SHC3: variants seen among roughly 807,000 people sequenced by gnomAD.
SHC3 encodes the protein SHC-transforming protein 3.
SHC3 carries 15 observed loss-of-function variants against 60.4 expected under a neutral mutation model. The observed-to-expected ratio is 0.25, with a 90% confidence interval of 0.17 to 0.38. SHC3 has a LOEUF of 0.38. Among genes scored for constraint, SHC3 ranks in the 10% least tolerant of loss-of-function variants. The pLI is 1.00. For synonymous variants in SHC3, 294 were observed against 325.9 expected (o/e 0.90, Z 1.05); for missense variants, 677 against 786.1 (o/e 0.86, Z 1.66).
At chr9:89,142,846 G>A (rs931912243) in intron 1 of SHC3, among the ~76,000 whole-genome samples, 1 of 151,924 alleles carries the variant, frequency 6.6e-6, no homozygotes, top group African/African-American at 2.4e-5. Flanking sequence ...CCTTCGGGTC[G>A]AGGGTCTCCT....
intron 7 of SHC3, 120 bp downstream of exon 7, chr9:89,051,917 G>A (rs1227333571): frequency 1.1e-5 from 16 of 1,425,504 alleles, no homozygotes; most frequent in Non-Finnish European, 1.4e-5. Flanking sequence ...GTGTCTCTGA[G>A]CCCAGGAAGC....
intron 6 of SHC3, among the ~76,000 whole-genome samples, chr9:89,061,574 T>C (rs1246899476): frequency 6.6e-6 from 1 of 152,240 alleles, no homozygotes; most frequent in African/African-American, 2.4e-5. Context: ...GCTGGATATG[T>C]AGGCTTCTCT....
chr9:89,135,583 G>A (rs948866003), intron 1 of SHC3, among the ~76,000 whole-genome samples: 1 of 152,078 alleles, frequency 6.6e-6, no homozygotes, highest in African/African-American at 2.4e-5. Flanking sequence ...GATTTGTCTT[G>A]AGTAAAAGTG....
intron 4 of SHC3, among the ~76,000 whole-genome samples, chr9:89,072,022 T>C (rs1825282413): frequency 6.6e-6 from 1 of 152,242 alleles, no homozygotes; most frequent in African/African-American, 2.4e-5. Flanking sequence ...TGCTAAATGT[T>C]ACTTGGTTTG....
chr9:89,081,463 C>T (rs1365023460), intron 2 of SHC3, among the ~76,000 whole-genome samples: 3 of 152,086 alleles, frequency 2.0e-5, no homozygotes, highest in African/African-American at 7.2e-5. Context: ...CCCTCCCACC[C>T]CCACACCCTG....
intron 2 of SHC3, among the ~76,000 whole-genome samples, chr9:89,111,107 G>A (rs1443546673): frequency 1.3e-5 from 2 of 152,134 alleles, no homozygotes; most frequent in Admixed American, 6.6e-5. Context: ...GGAGAGTCAC[G>A]TTGTCCAGTG....
chr9:89,102,463 G>A (rs1349024121), intron 2 of SHC3, among the ~76,000 whole-genome samples: 2 of 152,080 alleles, frequency 1.3e-5, no homozygotes, highest in Non-Finnish European at 2.9e-5. Flanking sequence ...TATATTGCTT[G>A]TATTTTCCTT....
Position 89,174,558 on chromosome 9 carries a change from C to A in SHC3, c.474+3429G>T, listed in dbSNP as rs117853594. 1.1e-4 allele frequency among the ~76,000 whole-genome samples: 17 copies of A among 152,354 alleles called. No individual in the cohort carries two copies. In the East Asian group the frequency reaches 2.5e-3, roughly 22 times the overall value. On this transcript the variant is annotated intron_variant, in intron 1 of 11. Transcript: ENST00000375835. The stretch of plus-strand genomic sequence containing the variant: ...TGGAATAGCTCTGAGCAGTGGGCAC[C>A]TAAAACCATTGCTTTTACATTGGGC...
intron 11 of SHC3, among the ~76,000 whole-genome samples, chr9:89,030,038 C>T (rs972446396): frequency 6.6e-6 from 1 of 151,966 alleles, no homozygotes; most frequent in South Asian, 2.1e-4. Context: ...GAATGTGTCT[C>T]ATATATAGCA....
In SHC3 at chr9:89,108,499, C is replaced by T. The variant is rs140231704; in HGVS notation, c.545+4057G>A. Among the ~76,000 whole-genome samples the T allele has an allele frequency of 2.3e-3, 354 of 152,010 alleles. 3 individuals are homozygous for T. The highest frequency in any genetic ancestry group is 8.2e-3 in the African/African-American group (339 of 41,446). ...TTGCACCATTGCATTCCAGGCTAGA[C>T]GACAGGAGTGAAACACTGTCTCAAA... On this transcript the variant is annotated intron_variant, in intron 2 of 11. Transcript: ENST00000375835.
intron 11 of SHC3, among the ~76,000 whole-genome samples, chr9:89,032,705 A>G (rs914318988): frequency 7.9e-5 from 12 of 152,182 alleles, no homozygotes; most frequent in Non-Finnish European, 1.5e-5. Flanking sequence ...CAGTGATCTC[A>G]GTGGACGGTG....
intron 11 of SHC3, among the ~76,000 whole-genome samples, chr9:89,032,901 C>T (rs1168873273): frequency 1.3e-5 from 2 of 152,146 alleles, no homozygotes; most frequent in Admixed American, 1.3e-4. Flanking sequence ...TTGGTGTCCC[C>T]ACAGCAAGAA....
At chr9:89,172,054 G>A (rs1327131011) in intron 1 of SHC3, among the ~76,000 whole-genome samples, 9 of 152,234 alleles carry the variant, frequency 5.9e-5, no homozygotes, top group Non-Finnish European at 1.2e-4. Flanking sequence ...GGTACAGGAG[G>A]GCTGAGGTAT....
At chr9:89,049,121 C>T (rs1824821282) in intron 7 of SHC3, among the ~76,000 whole-genome samples, 1 of 152,066 alleles carries the variant, frequency 6.6e-6, no homozygotes, top group Admixed American at 6.6e-5. Context: ...ATTAGCCGGG[C>T]GTGGTGGCAG....
Position 89,042,130 on chromosome 9 carries a change from C to T in SHC3, c.1256G>A (p.Gly419Glu), listed in dbSNP as rs747468554. ...AGTGTTGACGTAGGTGGGTGCTTCT[C>T]CCGTGGGGGCCACGTGCAGTTTCCC... The part of the protein sequence containing the change: ...PEGKLHVAPT[G>E]EAPTYVNTQQ... The change falls in exon 10 of 12, where the codon GGA (glycine) becomes GAA (glutamate). Residue 419 changes from glycine (G) to glutamate (E), a missense_variant. By Grantham distance (98) the Gly-to-Glu change is moderately conservative (BLOSUM62 -2). Transcript: ENST00000375835. 1.3e-6 allele frequency: 2 copies of T among 1,568,826 alleles called. No homozygotes were observed. Among genetic ancestry groups the T allele is most frequent in the South Asian group, 1.2e-5 (1 of 83,480 alleles).
chr9:89,023,467 C>T (rs1444685390), intron 11 of SHC3, among the ~76,000 whole-genome samples: 1 of 152,150 alleles, frequency 6.6e-6, no homozygotes, highest in Non-Finnish European at 1.5e-5. Flanking sequence ...AAATATGCAG[C>T]ATATTCTGAT....
At chr9:89,028,275 A>G (rs1247831372) in intron 11 of SHC3, among the ~76,000 whole-genome samples, 1 of 152,070 alleles carries the variant, frequency 6.6e-6, no homozygotes, top group East Asian at 1.9e-4. Context: ...AAAGAGAGCT[A>G]TATGTATCAC....
rs185590991 is a variant in SHC3, at chr9:89,128,017, A to T, written c.475-15391T>A. On this transcript the variant is annotated intron_variant, in intron 1 of 11. Coordinates refer to ENST00000375835, the MANE Select transcript of SHC3 (RefSeq NM_016848.6). ...AAACTGGCAAATGAAAAATACAACC[A>T]CTGGATCTTCTTCTGTCTGCCAGTG... Among the ~76,000 whole-genome samples, 26 of 152,002 alleles carry T rather than the reference A, an allele frequency of 1.7e-4. 1 individual carries two copies. Among genetic ancestry groups the T allele is most frequent in the Admixed American group, 4.6e-4 (7 of 15,248 alleles).
chr9:89,111,962 G>A (rs4876968), intron 2 of SHC3, among the ~76,000 whole-genome samples: 16,073 of 152,218 alleles, frequency 0.11, 946 homozygotes, highest in Admixed American at 0.14. Flanking sequence ...AAGCTCTACT[G>A]GGAGCTATAT....
Sources: allele counts gnomAD v4.1 joint callset (sites outside exome capture counted in the v4.1 genomes callset), GRCh38; gene constraint gnomAD v4.1.1; transcripts MANE v1.5; gene names NCBI Gene and HGNC (gene_info 2026-07-23, HGNC 2026-07-21).